The following CDH13 variants were observed in gnomAD, a reference collection of about 807,000 sequenced individuals.
The protein encoded by CDH13 is cadherin 13.
Under a neutral mutation model 63.8 loss-of-function variants are expected in CDH13, and 24 were observed. The ratio of observed to expected loss-of-function variants is 0.38; its 90% CI spans 0.27 to 0.53. CDH13 has a LOEUF of 0.53. CDH13 is among the 20% of genes least tolerant of loss of function. The pLI is 0.85. For missense variants in CDH13, 1,049 were observed against 903.1 expected (o/e 1.16, Z -2.07); for synonymous variants, 503 against 355.3 (o/e 1.42, Z -4.67).
intron 7 of CDH13, among the ~76,000 whole-genome samples, chr16:83,526,570 G>A (rs1387215684): frequency 2.6e-5 from 4 of 152,176 alleles, no homozygotes; most frequent in Non-Finnish European, 5.9e-5. Flanking sequence ...GGTAATGCTC[G>A]CTTGCTAGCC....
At chr16:82,695,147 G>T (rs1285333529) in intron 1 of CDH13, among the ~76,000 whole-genome samples, 1 of 152,098 alleles carries the variant, frequency 6.6e-6, no homozygotes, top group South Asian at 2.1e-4. Context: ...GGAGGCTGGT[G>T]GGCCGAGTCC....
intron 2 of CDH13, among the ~76,000 whole-genome samples, chr16:82,881,282 G>C (rs1189825512): frequency 6.6e-6 from 1 of 152,118 alleles, no homozygotes; most frequent in Non-Finnish European, 1.5e-5. Context: ...TCTCCGGAAA[G>C]CTGACCTCAG....
At chr16:82,968,702 A>G (rs550606323) in intron 2 of CDH13, among the ~76,000 whole-genome samples, 124 of 152,320 alleles carry the variant, frequency 8.1e-4, no homozygotes, top group African/African-American at 2.7e-3. Flanking sequence ...TGGCAGCTCT[A>G]GAAGCCCTGG....
chr16:83,737,490 A>G (rs916260041), intron 10 of CDH13, among the ~76,000 whole-genome samples: 1 of 152,168 alleles, frequency 6.6e-6, no homozygotes, highest in South Asian at 2.1e-4. Context: ...AGAAAGCTTT[A>G]TATCTATGTA....
chr16:83,449,113 T>C (rs1487040485), intron 6 of CDH13, among the ~76,000 whole-genome samples: 2 of 152,200 alleles, frequency 1.3e-5, no homozygotes, highest in African/African-American at 4.8e-5. Flanking sequence ...CATATTAACC[T>C]ACGTTTTAAA....
chr16:82,788,566 A>C (rs2036135884), intron 1 of CDH13, among the ~76,000 whole-genome samples: 1 of 152,224 alleles, frequency 6.6e-6, no homozygotes, highest in Non-Finnish European at 1.5e-5. Context: ...CCGGAGGAAC[A>C]CTTACATTTT....
At chr16:83,008,142 C>T (rs941534816) in intron 2 of CDH13, among the ~76,000 whole-genome samples, 1 of 152,078 alleles carries the variant, frequency 6.6e-6, no homozygotes, top group Non-Finnish European at 1.5e-5. Context: ...CTTAAGCTTA[C>T]ATTCTCGTGA....
intron 2 of CDH13, among the ~76,000 whole-genome samples, chr16:82,877,450 G>A (rs1308001840): frequency 6.6e-6 from 1 of 152,160 alleles, no homozygotes; most frequent in African/African-American, 2.4e-5. Flanking sequence ...TTGGTCTTAA[G>A]CACTACGCCA....
rs533857026 is a variant in CDH13 at position 83,350,337 on chromosome 16, A to G, written c.781+5331A>G. Among the ~76,000 whole-genome samples, 6 of 152,332 alleles carry G rather than the reference A, an allele frequency of 3.9e-5. 1 individual carries two copies. The East Asian group carries it at 1.2e-3, about 29-fold the overall frequency. On this transcript the variant is annotated intron_variant, in intron 6 of 13. Transcript: ENST00000567109. Reference sequence around the variant, plus strand: ...TAGGTGGTGAGAGGTCACAGAAGGAAAGAATTAGCTCCCAAACTGCATGAC... The same window carrying G: ...TAGGTGGTGAGAGGTCACAGAAGGAGAGAATTAGCTCCCAAACTGCATGAC...
chr16:82,798,944 G>T (rs4384600), intron 1 of CDH13, among the ~76,000 whole-genome samples: 1 of 152,078 alleles, frequency 6.6e-6, no homozygotes, highest in African/African-American at 2.4e-5. Flanking sequence ...GGCCCAGAAA[G>T]GTGCCCAAGG....
intron 10 of CDH13, among the ~76,000 whole-genome samples, chr16:83,736,749 C>T (rs535696032): frequency 2.4e-4 from 36 of 152,212 alleles, no homozygotes; most frequent in Admixed American, 3.3e-4. Flanking sequence ...AGGAAGAGCC[C>T]GGCCACAGCA....
chr16:83,089,979 C>G (rs951049760), intron 3 of CDH13, among the ~76,000 whole-genome samples: 5 of 152,138 alleles, frequency 3.3e-5, no homozygotes, highest in Non-Finnish European at 5.9e-5. Context: ...CCAGGAGCCT[C>G]TAAGATCCCT....
chr16:83,022,832 T>C lies in CDH13; in HGVS notation c.158-9178T>C, dbSNP rs554799737. ...ACAATTTACCCATATAAGATGTGAG[T>C]GTATAAATCACAGATTGGCCCAAGC... On this transcript the variant is annotated intron_variant, in intron 2 of 13. Transcript: ENST00000567109. Among the ~76,000 whole-genome samples the C allele has an allele frequency of 1.9e-3, 289 of 152,274 alleles. 1 individual carries two copies. The highest frequency in any genetic ancestry group is 0.017 in the Middle Eastern group (5 of 294).
At chr16:83,417,417 C>T (rs1248380896) in intron 6 of CDH13, among the ~76,000 whole-genome samples, 2 of 152,180 alleles carry the variant, frequency 1.3e-5, no homozygotes, top group African/African-American at 2.4e-5. Flanking sequence ...CTTCTTGCTG[C>T]CCTGACTAGT....
intron 1 of CDH13, among the ~76,000 whole-genome samples, chr16:82,643,838 G>T (rs1909727779): frequency 6.6e-6 from 1 of 151,938 alleles, no homozygotes; most frequent in Non-Finnish European, 1.5e-5. Context: ...GACCACCTGA[G>T]CTCAAGCAAC....
intron 2 of CDH13, among the ~76,000 whole-genome samples, chr16:82,916,149 G>A (rs375332149): frequency 5.8e-4 from 89 of 152,226 alleles, no homozygotes; most frequent in East Asian, 4.2e-3. Context: ...TAAAGCAAGC[G>A]TTTATTTGTC....
chr16:82,689,058 G>A (rs1409840053), intron 1 of CDH13: 1 of 152,172 alleles, frequency 6.6e-6, no homozygotes, highest in East Asian at 1.9e-4. Context: ...CACACCAGCT[G>A]TGTTCTTCAT....
At chr16:83,511,057 C>A (rs1316947763) in intron 7 of CDH13, among the ~76,000 whole-genome samples, 1 of 97,760 alleles carries the variant, frequency 1.0e-5, no homozygotes, top group Admixed American at 1.0e-4. Context: ...TGTGTGCACA[C>A]ACAGACACGC....
At chr16:83,026,731 G>A (rs74844626) in intron 2 of CDH13, among the ~76,000 whole-genome samples, 4,734 of 152,242 alleles carry the variant, frequency 0.031, 101 homozygotes, top group Non-Finnish European at 0.046. Context: ...TGCATAGAGC[G>A]TAGCACTCAG....
Sources: gnomAD v4.1 joint callset for allele counts (sites outside exome capture counted in the v4.1 genomes callset) on GRCh38, gnomAD v4.1.1 for gene constraint, MANE v1.5 for transcripts, NCBI Gene and HGNC (gene_info 2026-07-23, HGNC 2026-07-21) for gene names.